The following STK39 variants were observed in gnomAD, a reference collection of about 807,000 sequenced individuals.
The protein encoded by STK39 is serine/threonine kinase 39.
Under a neutral mutation model 77.8 loss-of-function variants are expected in STK39, and 20 were observed. That is an observed-to-expected ratio of 0.26 (90% CI 0.18 to 0.37). The LOEUF (loss-of-function observed/expected upper bound fraction) is 0.37, where lower values mean the gene tolerates loss of function less well. STK39 is among the 10% of genes least tolerant of loss of function. STK39 has a pLI of 1.00. For missense variants in STK39, 479 were observed against 656.5 expected, an observed-to-expected ratio of 0.73 and a Z score of 2.95; for synonymous variants, 246 against 234.1, an observed-to-expected ratio of 1.05 and a Z score of -0.47.
chr2:168,240,709 C>G (rs1326144454), intron 1 of STK39, among the ~76,000 whole-genome samples: 2 of 152,198 alleles, frequency 1.3e-5, no homozygotes, highest in African/African-American at 4.8e-5. Context: ...GTGAAACATT[C>G]AAACGAAGAC....
intron 10 of STK39, among the ~76,000 whole-genome samples, chr2:168,123,161 T>A (rs1159665772): frequency 6.6e-6 from 1 of 152,142 alleles, no homozygotes; most frequent in Non-Finnish European, 1.5e-5. Context: ...GGACATTCTA[T>A]AAAATAACTG....
chr2:168,034,809 C>T (rs932762563), intron 14 of STK39, among the ~76,000 whole-genome samples: 5 of 152,294 alleles, frequency 3.3e-5, no homozygotes, highest in East Asian at 1.9e-4. Context: ...GCTCAACAAA[C>T]GAGCAGCGGG....
chr2:168,179,716 C>T (rs1689037681), intron 2 of STK39, among the ~76,000 whole-genome samples: 1 of 152,142 alleles, frequency 6.6e-6, no homozygotes, highest in Non-Finnish European at 1.5e-5. Context: ...GACAGCTCTA[C>T]CTAAGTTACA....
intron 16 of STK39, among the ~76,000 whole-genome samples, chr2:167,982,804 TA>T (rs1300113657): frequency 1.3e-5 from 2 of 152,320 alleles, no homozygotes; most frequent in East Asian, 3.9e-4. Context: ...TGAAGATAGG[TA>T]GAGCTGATCA....
chr2:168,103,544 T>C (rs1184421031), intron 10 of STK39, among the ~76,000 whole-genome samples: 1 of 152,128 alleles, frequency 6.6e-6, no homozygotes, highest in Non-Finnish European at 1.5e-5. Context: ...TCCAAAATAA[T>C]TTGGGGAAAG....
intron 14 of STK39, among the ~76,000 whole-genome samples, chr2:168,035,607 A>T (rs1684931987): frequency 1.3e-5 from 2 of 152,204 alleles, no homozygotes; most frequent in Admixed American, 6.5e-5. Context: ...GCTCAGATAC[A>T]TACAGGGCAA....
At chr2:168,015,280 C>A (rs1039868858) in intron 15 of STK39, among the ~76,000 whole-genome samples, 1 of 152,240 alleles carries the variant, frequency 6.6e-6, no homozygotes, top group African/African-American at 2.4e-5. Flanking sequence ...TTACGTTATA[C>A]ATTTTGTGCC....
At chr2:168,208,004 C>T (rs148954100) in intron 1 of STK39, among the ~76,000 whole-genome samples, 2 of 152,266 alleles carry the variant, frequency 1.3e-5, no homozygotes, top group East Asian at 3.9e-4. Flanking sequence ...CAGTAAAACC[C>T]ACAGAAACTG....
intron 5 of STK39, among the ~76,000 whole-genome samples, chr2:168,144,386 C>T: frequency 6.6e-6 from 1 of 152,090 alleles, no homozygotes; most frequent in East Asian, 1.9e-4. Flanking sequence ...TCACTGCAGC[C>T]TCAACCTCCC....
At chr2:168,106,964 C>T (rs1318733972) in intron 10 of STK39, among the ~76,000 whole-genome samples, 1 of 152,128 alleles carries the variant, frequency 6.6e-6, no homozygotes, top group Non-Finnish European at 1.5e-5. Flanking sequence ...ACTTGTTAAT[C>T]AAAAAATGTT....
At chr2:167,968,030 A>G (rs939159500) in intron 16 of STK39, among the ~76,000 whole-genome samples, 4 of 151,696 alleles carry the variant, frequency 2.6e-5, no homozygotes, top group Admixed American at 2.0e-4. Flanking sequence ...CACAAGTGAG[A>G]ACATGCGGTA....
At chr2:168,109,704 G>C (rs1394799190) in intron 10 of STK39, among the ~76,000 whole-genome samples, 3 of 152,180 alleles carry the variant, frequency 2.0e-5, no homozygotes, top group African/African-American at 7.2e-5. Flanking sequence ...GATGTGACAA[G>C]TCTACATCCT....
intron 10 of STK39, among the ~76,000 whole-genome samples, chr2:168,093,720 C>T (rs957228393): frequency 5.9e-5 from 9 of 152,292 alleles, no homozygotes; most frequent in African/African-American, 1.9e-4. Flanking sequence ...CCCCTGCTTC[C>T]AGTCTTATCC....
At chr2:168,141,921 G>A (rs1336756197) in intron 5 of STK39, among the ~76,000 whole-genome samples, 2 of 151,768 alleles carry the variant, frequency 1.3e-5, no homozygotes, top group African/African-American at 4.8e-5. Flanking sequence ...GGTTTCCTGA[G>A]TAGAAATACA....
At chr2:167,980,559 G>C (rs1683388983) in intron 16 of STK39, among the ~76,000 whole-genome samples, 1 of 152,216 alleles carries the variant, frequency 6.6e-6, no homozygotes, top group African/African-American at 2.4e-5. Flanking sequence ...GACTGAGGCA[G>C]AGCCATCTGG....
At chr2:168,050,067 T>C (rs545316445) in intron 14 of STK39, among the ~76,000 whole-genome samples, 2 of 152,322 alleles carry the variant, frequency 1.3e-5, no homozygotes, top group Non-Finnish European at 2.9e-5. Context: ...TTCCATATGA[T>C]TGTCTCAAAA....
intron 1 of STK39, among the ~76,000 whole-genome samples, chr2:168,222,376 C>T (rs1690194896): frequency 6.6e-6 from 1 of 152,152 alleles, no homozygotes; most frequent in South Asian, 2.1e-4. Context: ...TTATCAATTG[C>T]ATTTTTAGGT....
rs961690119 is a variant in STK39 at position 168,163,585 on chromosome 2, C to T, written c.572+154G>A. Reference sequence around the variant, plus strand: ...ACATGTGTTTCCTTAACATTCTTTACAAACTAGGGCTGAAGATATGAACAT... The same window carrying T: ...ACATGTGTTTCCTTAACATTCTTTATAAACTAGGGCTGAAGATATGAACAT... On this transcript the variant is annotated intron_variant, in intron 4 of 17. Transcript: ENST00000355999. 13 of 984,906 alleles carry T rather than the reference C, an allele frequency of 1.3e-5. No individual in the cohort carries two copies. The Admixed American group carries it at 3.7e-4, about 28-fold the overall frequency. 61.0% of individuals were successfully genotyped at this position (984,906 alleles called of 1,614,324 possible).
chr2:168,027,209 C>T (rs1212684149), intron 14 of STK39, among the ~76,000 whole-genome samples: 1 of 152,060 alleles, frequency 6.6e-6, no homozygotes, highest in Non-Finnish European at 1.5e-5. Context: ...TGCCCGAAAT[C>T]GAAGCTCTCC....
Sources: allele counts gnomAD v4.1 joint callset (sites outside exome capture counted in the v4.1 genomes callset), GRCh38; gene constraint gnomAD v4.1.1; transcripts MANE v1.5; gene names NCBI Gene and HGNC (gene_info 2026-07-23, HGNC 2026-07-21).